TCP11L1: variants seen among roughly 807,000 people sequenced by gnomAD.
TCP11L1 encodes the protein t-complex 11 like 1.
TCP11L1 carries 28 observed loss-of-function variants against 48.9 expected under a neutral mutation model. The observed-to-expected ratio is 0.57, with a 90% CI of 0.42 to 0.78. TCP11L1 has a LOEUF of 0.78. Ranked by LOEUF, TCP11L1 falls within the 30% of genes least tolerant of loss-of-function variation. The pLI, the probability that TCP11L1 is intolerant of heterozygous loss-of-function variation, is 0.00. For missense variants in TCP11L1, 505 were observed against 613.4 expected (o/e 0.82, Z 1.87); for synonymous variants, 204 against 231.9 (o/e 0.88, Z 1.09).
At chr11:33,070,967 A>G (rs1249932154) in intron 9 of TCP11L1, among the ~76,000 whole-genome samples, 1 of 151,262 alleles carries the variant, frequency 6.6e-6, no homozygotes, top group African/African-American at 2.4e-5. Context: ...GCGCCACTGC[A>G]CTCCAGCCTG....
Position 33,068,676 on chromosome 11 carries a change from C to T in TCP11L1, c.1155-11C>T, listed in dbSNP as rs373548694. On this transcript the variant is annotated splice_polypyrimidine_tract_variant and intron_variant, in intron 8 of 9. Coordinates refer to ENST00000334274, the MANE Select transcript of TCP11L1 (RefSeq NM_018393.4). ...TTACTTATAGGCCCTTTCTCCCCTC[C>T]TCTGCCCCAGCTCCTTCCATCTGAA... The T allele has an allele frequency of 3.1e-6, 5 of 1,612,666 alleles. No individual in the cohort carries two copies. The highest frequency in any genetic ancestry group is 1.7e-5 in the Admixed American group (1 of 59,968).
chr11:33,071,382 A>G (rs956344176), intron 9 of TCP11L1, among the ~76,000 whole-genome samples: 5 of 152,198 alleles, frequency 3.3e-5, no homozygotes, highest in African/African-American at 1.2e-4. Flanking sequence ...TGTGAGGCTC[A>G]GGAGGGTATA....
intron 9 of TCP11L1, among the ~76,000 whole-genome samples, chr11:33,072,151 C>G (rs1316325120): frequency 6.6e-6 from 1 of 152,170 alleles, no homozygotes; most frequent in Admixed American, 6.5e-5. Flanking sequence ...GCCACTCATG[C>G]ATTCATTCTT....
chr11:33,067,356 T>C (rs1854648831), intron 8 of TCP11L1, among the ~76,000 whole-genome samples: 1 of 152,244 alleles, frequency 6.6e-6, no homozygotes, highest in South Asian at 2.1e-4. Context: ...TTCTCATCCT[T>C]ACAAAATGGA....
intron 2 of TCP11L1, among the ~76,000 whole-genome samples, chr11:33,050,556 A>G (rs1590224635): frequency 1.3e-5 from 2 of 152,180 alleles, no homozygotes; most frequent in South Asian, 4.1e-4. Flanking sequence ...GTGTGCACCT[A>G]TAGTCCCAGC....
At chr11:33,064,256 G>T (rs1317628762) in intron 7 of TCP11L1, among the ~76,000 whole-genome samples, 1 of 152,228 alleles carries the variant, frequency 6.6e-6, no homozygotes, top group Non-Finnish European at 1.5e-5. Flanking sequence ...CTAAACTCAC[G>T]TCCTGCTGTT....
At chr11:33,064,769 A>G (rs1052536679) in intron 7 of TCP11L1, among the ~76,000 whole-genome samples, 5 of 151,990 alleles carry the variant, frequency 3.3e-5, no homozygotes, top group Admixed American at 2.0e-4. Flanking sequence ...CCTCCCTTCC[A>G]TTGCTCTGGG....
At chr11:33,067,207 G>C (rs1335029615) in intron 8 of TCP11L1, among the ~76,000 whole-genome samples, 1 of 152,136 alleles carries the variant, frequency 6.6e-6, no homozygotes, top group African/African-American at 2.4e-5. Context: ...AGGCTTCAGT[G>C]ACCGCTCCTA....
In TCP11L1 at chr11:33,057,964, C is replaced by T; in HGVS notation, c.463C>T (p.Gln155Ter). 6.2e-7 allele frequency: 1 copy of T among 1,614,056 alleles called. No individual in the cohort carries two copies. Among genetic ancestry groups the T allele is most frequent in the Non-Finnish European group, 8.5e-7 (1 of 1,180,022 alleles). Reference sequence around the variant, plus strand: ...GCCTGGTCATACTAGACTGAGAAACCAGATAACAGAAGTCTTGGATCTGGA... The same window carrying T: ...GCCTGGTCATACTAGACTGAGAAACTAGATAACAGAAGTCTTGGATCTGGA... ...LLPGHTRLRN[Q>*]ITEVLDLDLI... Residue 155 changes from glutamine (Q) to a stop codon, truncating the protein, a stop_gained, in exon 5 of 10, where the codon CAG becomes TAG. Coordinates refer to ENST00000334274, the MANE Select transcript of TCP11L1 (RefSeq NM_018393.4). LOFTEE classifies it high-confidence loss of function.
intron 6 of TCP11L1, among the ~76,000 whole-genome samples, chr11:33,061,013 T>A (rs1210239786): frequency 3.3e-5 from 5 of 152,192 alleles, no homozygotes; most frequent in African/African-American, 9.7e-5. Context: ...TGGAGTACAG[T>A]GGTGTGATCA....
chr11:33,044,313 T>TG (rs1192222949), intron 2 of TCP11L1, among the ~76,000 whole-genome samples: 2 of 129,952 alleles, frequency 1.5e-5, no homozygotes, highest in Non-Finnish European at 3.4e-5. Flanking sequence ...AAAAAAAATG[T>TG]GAGTAAGTTC....
At chr11:33,050,476 A>G (rs1418300776) in intron 2 of TCP11L1, among the ~76,000 whole-genome samples, 2 of 152,186 alleles carry the variant, frequency 1.3e-5, no homozygotes, top group East Asian at 1.9e-4. Flanking sequence ...ATAACTGATA[A>G]CAGAAATAAT....
intron 8 of TCP11L1, among the ~76,000 whole-genome samples, chr11:33,068,337 C>G (rs796442358): frequency 1.1e-4 from 17 of 151,954 alleles, no homozygotes; most frequent in African/African-American, 3.4e-4. Context: ...TACCAAATGC[C>G]TGCTTTCTTG....
chr11:33,049,874 C>T (rs1854107282), intron 2 of TCP11L1, among the ~76,000 whole-genome samples: 1 of 152,170 alleles, frequency 6.6e-6, no homozygotes, highest in Non-Finnish European at 1.5e-5. Context: ...AGGTGTTGGG[C>T]TGGGGGATGA....
chr11:33,058,162 C>T (rs1402090423), intron 5 of TCP11L1, 23 bp downstream of exon 5: 1 of 1,572,136 alleles, frequency 6.4e-7, no homozygotes, highest in Non-Finnish European at 8.6e-7. Flanking sequence ...GTTAATCATA[C>T]TCCGTGCAAC....
Position 33,057,231 on chromosome 11 carries a change from A to G in TCP11L1, c.413A>G (p.Lys138Arg). 1 of 1,614,142 alleles carries G rather than the reference A, an allele frequency of 6.2e-7. No homozygotes were observed. Among genetic ancestry groups the G allele is most frequent in the Non-Finnish European group, 8.5e-7 (1 of 1,180,000 alleles). The change falls in exon 4 of 10, where the codon AAA becomes AGA. Residue 138 changes from lysine to arginine, a missense_variant. By Grantham distance (26) the Lys-to-Arg change is conservative (BLOSUM62 2). Transcript: ENST00000334274. ...DHAIKLVGEI[K>R]ETLLSFLLPG... is the part of the protein sequence containing the mutation. Reference sequence around the variant, plus strand: ...GCTATCAAACTTGTAGGAGAAATCAAAGAGGTGAGGCAAAGAGTGAATTGT... The same window carrying G: ...GCTATCAAACTTGTAGGAGAAATCAGAGAGGTGAGGCAAAGAGTGAATTGT...
intron 8 of TCP11L1, among the ~76,000 whole-genome samples, chr11:33,067,924 A>C (rs1031685941): frequency 6.6e-6 from 1 of 151,350 alleles, no homozygotes; most frequent in Non-Finnish European, 1.5e-5. Context: ...TTTAATTTTT[A>C]TATATTTTTT....
At chr11:33,065,785 A>C (rs374953621) in intron 7 of TCP11L1, 45 bp from the exon 8 acceptor site, 284 of 1,586,546 alleles carry the variant, frequency 1.8e-4, no homozygotes, top group Non-Finnish European at 2.2e-4. Flanking sequence ...TCTGCTGGCC[A>C]ACCTGGACCT....
At chr11:33,060,997 C>T (rs961294636) in intron 6 of TCP11L1, among the ~76,000 whole-genome samples, 1 of 152,172 alleles carries the variant, frequency 6.6e-6, no homozygotes, top group Non-Finnish European at 1.5e-5. Flanking sequence ...GCTCTGTCCC[C>T]CAGGCTGGAG....
Sources: gnomAD v4.1 joint callset for allele counts (sites outside exome capture counted in the v4.1 genomes callset) on GRCh38, gnomAD v4.1.1 for gene constraint, MANE v1.5 for transcripts, NCBI Gene and HGNC (gene_info 2026-07-23, HGNC 2026-07-21) for gene names.